The following LIN28B variants were observed in gnomAD, a reference collection of about 807,000 sequenced individuals.
The protein encoded by LIN28B is lin-28 RNA binding posttranscriptional regulator B.
LIN28B carries 5 observed loss-of-function variants against 21.9 expected under a neutral mutation model. The observed-to-expected ratio is 0.23, with a 90% confidence interval of 0.12 to 0.48. The LOEUF (loss-of-function observed/expected upper bound fraction) is 0.48, where lower values mean the gene tolerates loss of function less well. LIN28B is among the 20% of genes least tolerant of loss of function. The pLI, the probability that LIN28B is intolerant of heterozygous loss-of-function variation, is 0.98. For missense variants in LIN28B, 245 were observed against 310.5 expected, an observed-to-expected ratio of 0.79 and a Z score of 1.58; for synonymous variants, 109 against 111.3, an observed-to-expected ratio of 0.98 and a Z score of 0.13.
intron 3 of LIN28B, among the ~76,000 whole-genome samples, chr6:105,034,868 T>C (rs1196542626): frequency 6.6e-6 from 1 of 152,130 alleles, no homozygotes; most frequent in Admixed American, 6.5e-5. Flanking sequence ...CGAGAATCAG[T>C]GTGGGCTTCC....
chr6:104,992,502 GTGTGTGTGTGTGTT>G (rs1203601772), intron 2 of LIN28B, among the ~76,000 whole-genome samples: 6 of 104,696 alleles, frequency 5.7e-5, no homozygotes, highest in African/African-American at 9.2e-5. Flanking sequence ...GTGTGTGTGT[GTGTGTGTGTGTGTT>G]TTTTTTTTAA....
Position 105,051,143 on chromosome 6 carries a change from A to C in LIN28B, c.383+24661A>C. Among the ~76,000 whole-genome samples the C allele has an allele frequency of 1.3e-5, 2 of 150,974 alleles. 1 individual carries two copies. The highest frequency in any genetic ancestry group is 4.9e-5 in the African/African-American group (2 of 40,890). ...GAAAAAAATGTAGTTAATAATGAGT[A>C]AAAGAAAAAGCTGCGGGCTGGGCAC... On this transcript the variant is annotated intron_variant, in intron 3 of 3. Coordinates refer to ENST00000345080, the MANE Select transcript of LIN28B (RefSeq NM_001004317.4).
At chr6:104,964,939 C>T (rs1769825872) in intron 2 of LIN28B, among the ~76,000 whole-genome samples, 1 of 151,898 alleles carries the variant, frequency 6.6e-6, no homozygotes, top group Non-Finnish European at 1.5e-5. Flanking sequence ...TTTCTGTTAC[C>T]TGGAGTAATA....
chr6:105,041,110 C>T (rs1198365589), intron 3 of LIN28B, among the ~76,000 whole-genome samples: 1 of 151,508 alleles, frequency 6.6e-6, no homozygotes, highest in Non-Finnish European at 1.5e-5. Flanking sequence ...CAGGGTTTCA[C>T]CATGTTGCCC....
chr6:104,949,094 G>A (rs1262821019), intron 2 of LIN28B, among the ~76,000 whole-genome samples: 1 of 150,652 alleles, frequency 6.6e-6, no homozygotes, highest in Non-Finnish European at 1.5e-5. Context: ...AAAATATGTT[G>A]GCTTGAATTC....
At chr6:104,956,355 C>T (rs1778290616), upstream of LIN28B, among the ~76,000 whole-genome samples, 1 of 152,164 alleles carries the variant, frequency 6.6e-6, no homozygotes, top group Non-Finnish European at 1.5e-5. Context: ...ATCACATCTC[C>T]TCCCCCGGAA....
upstream of LIN28B, chr6:104,957,054 CAA>C (rs1208725977): frequency 1.4e-6 from 2 of 1,432,244 alleles, no homozygotes; most frequent in Non-Finnish European, 1.8e-6. Flanking sequence ...ATGTAATTGA[CAA>C]AGTCACGTGT....
At chr6:104,947,656 A>T (rs1281763215) in intron 2 of LIN28B, among the ~76,000 whole-genome samples, 1 of 151,540 alleles carries the variant, frequency 6.6e-6, no homozygotes, top group African/African-American at 2.4e-5. Context: ...AATTGGAATT[A>T]TTTTGTATAT....
intron 2 of LIN28B, among the ~76,000 whole-genome samples, chr6:104,960,556 T>A (rs1769718640): frequency 6.6e-6 from 1 of 152,246 alleles, no homozygotes; most frequent in African/African-American, 2.4e-5. Context: ...TCAAAATTTT[T>A]AAAATATATG....
rs1772525298 is a variant in LIN28B at position 105,080,542 on chromosome 6, C to G, written c.*1759C>G. 1 of 152,582 alleles carries G rather than the reference C, an allele frequency of 6.6e-6. No individual in the cohort carries two copies. Among genetic ancestry groups the G allele is most frequent in the Admixed American group, 6.6e-5 (1 of 15,266 alleles). The allele number at this position is 152,582 out of a possible 1,614,324, so 9.5% of individuals were successfully genotyped here. A position where few individuals can be genotyped will look rare whatever the true frequency, so the allele number is the denominator to read the frequency against. On this transcript the variant is annotated 3_prime_UTR_variant, in exon 4 of 4. Coordinates refer to ENST00000345080, the MANE Select transcript of LIN28B (RefSeq NM_001004317.4). ...TTACAACTCAGCTTGAATTTCACAA[C>G]AGTGATTGTGAGAATCTGCGTGGTA...
At chr6:104,973,513 TCTC>T (rs988302366) in intron 2 of LIN28B, among the ~76,000 whole-genome samples, 2 of 152,130 alleles carry the variant, frequency 1.3e-5, no homozygotes, top group African/African-American at 2.4e-5. Context: ...TTAGTCTCCT[TCTC>T]CTCTCTTTTT....
chr6:104,976,926 A>G (rs1770109120), intron 2 of LIN28B, among the ~76,000 whole-genome samples: 1 of 152,196 alleles, frequency 6.6e-6, no homozygotes. Flanking sequence ...TATTTAAAGT[A>G]TTCACTCTCT....
At chr6:104,949,714 T>C (rs1335021556) in intron 2 of LIN28B, among the ~76,000 whole-genome samples, 1 of 152,170 alleles carries the variant, frequency 6.6e-6, no homozygotes, top group Non-Finnish European at 1.5e-5. Context: ...AACAATAATT[T>C]AGTAGTCACC....
chr6:105,047,348 G>T (rs892190240), intron 3 of LIN28B, among the ~76,000 whole-genome samples: 17 of 152,110 alleles, frequency 1.1e-4, no homozygotes, highest in South Asian at 2.1e-4. Context: ...TATTATTTCT[G>T]AGTGCTCTGT....
chr6:105,031,203 A>G lies in LIN28B; in HGVS notation c.383+4721A>G, dbSNP rs570140535. On this transcript the variant is annotated intron_variant, in intron 3 of 3. Transcript: ENST00000345080. Reference sequence around the variant, plus strand: ...ATTTCTGCATTTTTCTGAAAGTTATAATCTGTAACCACCGTTATTTATTTT... The same window carrying G: ...ATTTCTGCATTTTTCTGAAAGTTATGATCTGTAACCACCGTTATTTATTTT... Among the ~76,000 whole-genome samples the G allele has an allele frequency of 4.6e-5, 7 of 152,172 alleles. No homozygotes were observed. The East Asian group carries it at 1.4e-3, about 29-fold the overall frequency.
chr6:104,938,094 C>A (rs61660843), intron 2 of LIN28B, among the ~76,000 whole-genome samples: 3,169 of 139,178 alleles, frequency 0.023, 137 homozygotes, highest in African/African-American at 0.082. Context: ...CAGAAAAAAA[C>A]CAAAAAAAAC....
At chr6:105,035,295 G>A (rs141269850) in intron 3 of LIN28B, among the ~76,000 whole-genome samples, 14 of 152,228 alleles carry the variant, frequency 9.2e-5, no homozygotes, top group African/African-American at 3.4e-4. Context: ...TGTTTGAAAT[G>A]TAGATCAACA....
chr6:105,053,382 GGTGTGTGTGTGT>G (rs112180054), intron 3 of LIN28B, among the ~76,000 whole-genome samples: 1 of 146,550 alleles, frequency 6.8e-6, no homozygotes, highest in Non-Finnish European at 1.5e-5. Flanking sequence ...TATGTCTTAT[GGTGTGTGTGTGT>G]GTGTGTGTGT....
At chr6:104,965,040 G>A (rs2114580195) in intron 2 of LIN28B, among the ~76,000 whole-genome samples, 2 of 152,222 alleles carry the variant, frequency 1.3e-5, no homozygotes, top group Admixed American at 1.3e-4. Flanking sequence ...ATGTAAACTG[G>A]TCTTTGCCAA....
Sources: allele counts gnomAD v4.1 joint callset (sites outside exome capture counted in the v4.1 genomes callset), GRCh38; gene constraint gnomAD v4.1.1; transcripts MANE v1.5; gene names NCBI Gene and HGNC (gene_info 2026-07-23, HGNC 2026-07-21).